Variants in MEAK7 observed in about 807,000 individuals in gnomAD.
MEAK7 encodes MTOR associated protein MEAK7, also known as MTOR-associated protein MEAK7.
MEAK7 carries 68 observed loss-of-function variants against 40.5 expected under a neutral mutation model. The observed-to-expected ratio is 1.68, with a 90% CI of 1.38 to 2.06. The LOEUF (loss-of-function observed/expected upper bound fraction) is 2.06. MEAK7 is among the 30% of genes most tolerant of loss of function. MEAK7 has a pLI of 0.00. For missense variants in MEAK7, 918 were observed against 580.5 expected (o/e 1.58, Z -5.98); for synonymous variants, 338 against 231.9 (o/e 1.46, Z -4.16).
intron 3 of MEAK7, among the ~76,000 whole-genome samples, chr16:84,491,626 C>G (rs1913620074): frequency 2.0e-5 from 3 of 150,634 alleles, no homozygotes; most frequent in Admixed American, 2.0e-4. Flanking sequence ...ATCACGAGGT[C>G]AGGAGATCAA....
At chr16:84,483,036 C>T (rs1289982300) in intron 5 of MEAK7, among the ~76,000 whole-genome samples, 2 of 152,210 alleles carry the variant, frequency 1.3e-5, no homozygotes, top group Non-Finnish European at 2.9e-5. Flanking sequence ...AGCAGGCTTC[C>T]TTTAGCTTAT....
At chr16:84,488,332 T>C (rs564498937) in intron 4 of MEAK7, 1 of 152,198 alleles carries the variant, frequency 6.6e-6, no homozygotes, top group South Asian at 2.1e-4. Flanking sequence ...AAATATAACC[T>C]ATTTTCAAGC....
At chr16:84,496,545 G>A (rs1397938872) in intron 2 of MEAK7, among the ~76,000 whole-genome samples, 1 of 152,118 alleles carries the variant, frequency 6.6e-6, no homozygotes, top group Non-Finnish European at 1.5e-5. Flanking sequence ...ACTGGCATAA[G>A]GACCAAGAAC....
In MEAK7 at chr16:84,497,784, T is replaced by C. The variant is rs369323235; in HGVS notation, c.153+150A>G. On this transcript the variant is annotated intron_variant, in intron 2 of 7. Coordinates refer to ENST00000343629, the MANE Select transcript of MEAK7 (RefSeq NM_020947.4). ...ACCGCATAGCTCACAAAGCCAAAAC[T>C]AGGTCACATCTGGCCCTTTACAGAA... is the stretch of plus-strand genomic sequence containing the variant. 68 of 1,319,646 alleles carry C rather than the reference T, an allele frequency of 5.2e-5. 1 individual carries two copies. In the African/African-American group the frequency reaches 8.9e-4, roughly 17 times the overall value. 81.7% of individuals were successfully genotyped at this position (1,319,646 alleles called of 1,614,324 possible).
At chr16:84,495,371 C>G (rs1176674074) in intron 3 of MEAK7, among the ~76,000 whole-genome samples, 1 of 152,220 alleles carries the variant, frequency 6.6e-6, no homozygotes. Flanking sequence ...CACACATTGA[C>G]TATTTCCCTA....
chr16:84,497,403 G>C (rs970829484), intron 2 of MEAK7: 25 of 1,270,078 alleles, frequency 2.0e-5, no homozygotes, highest in Admixed American at 1.8e-4. Context: ...GAAATTCCTA[G>C]CCATCAAACA....
chr16:84,486,944 G>C lies in MEAK7; in HGVS notation c.645C>G (p.Cys215Trp), dbSNP rs1173836186. The change falls in exon 5 of 8, where the codon TGC becomes TGG. Residue 215 changes from cysteine to tryptophan, a missense_variant. By Grantham distance (215) the Cys-to-Trp change is radical. Coordinates refer to ENST00000343629, the MANE Select transcript of MEAK7 (RefSeq NM_020947.4). ...HVAIFLSVVI[C>W]KGFLILCSSL... Reference sequence around the variant, plus strand: ...ACGAGCACAGGATGAGAAAGCCCTTGCAAATGACCACACTCAGGAATATGG... The same window carrying C: ...ACGAGCACAGGATGAGAAAGCCCTTCCAAATGACCACACTCAGGAATATGG... The C allele has an allele frequency of 6.2e-7, 1 of 1,614,174 alleles. No individual in the cohort carries two copies. The highest frequency in any genetic ancestry group is 1.7e-5 in the Admixed American group (1 of 60,026).
chr16:84,499,774 C>T (rs188554383), intron 1 of MEAK7: 3 of 152,322 alleles, frequency 2.0e-5, no homozygotes, highest in South Asian at 2.1e-4. Context: ...TGGTGGCTCA[C>T]ACCTGTCATC....
intron 1 of MEAK7, among the ~76,000 whole-genome samples, chr16:84,501,320 C>A (rs1175515955): frequency 6.6e-6 from 1 of 151,900 alleles, no homozygotes; most frequent in Non-Finnish European, 1.5e-5. Flanking sequence ...AAGGGTGGAA[C>A]TCAGGGCACG....
intron 1 of MEAK7, among the ~76,000 whole-genome samples, chr16:84,499,714 C>T (rs1164535773): frequency 3.3e-5 from 5 of 152,174 alleles, no homozygotes; most frequent in African/African-American, 1.2e-4. Context: ...TGTCCTGATG[C>T]ATTTCTGTAT....
chr16:84,495,142 G>C (rs1215917699), intron 3 of MEAK7, among the ~76,000 whole-genome samples: 1 of 152,140 alleles, frequency 6.6e-6, no homozygotes, highest in African/African-American at 2.4e-5. Context: ...GGTGGTGTGT[G>C]CCTGTAGCCC....
At chr16:84,494,771 G>A (rs1172015235) in intron 3 of MEAK7, 2 of 454,868 alleles carry the variant, frequency 4.4e-6, no homozygotes, top group Non-Finnish European at 8.8e-6. Context: ...GGACATGACA[G>A]ATCAGACAAA....
chr16:84,491,476 T>A (rs1389191682), intron 3 of MEAK7, among the ~76,000 whole-genome samples: 3 of 147,404 alleles, frequency 2.0e-5, no homozygotes, highest in African/African-American at 5.0e-5. Flanking sequence ...GAGGCAGAGG[T>A]TGTAGTGAGC....
At position 84,476,823 on chromosome 16, in the gene MEAK7, A is replaced by G. The variant is rs1302317565; in HGVS notation, c.*3090T>C. ...GTGCCTTTGCCTGTCAGGAGGGAAAATAGCTGGAGAAGAGGCAGGAAGATG... is the reference window on the plus strand; with the variant it reads ...GTGCCTTTGCCTGTCAGGAGGGAAAGTAGCTGGAGAAGAGGCAGGAAGATG... On this transcript the variant is annotated 3_prime_UTR_variant, in exon 8 of 8. Coordinates refer to ENST00000343629, the MANE Select transcript of MEAK7 (RefSeq NM_020947.4). 2 of 152,248 alleles carry G rather than the reference A, an allele frequency of 1.3e-5. No homozygotes were observed. Among genetic ancestry groups the G allele is most frequent in the Non-Finnish European group, 2.9e-5 (2 of 68,060 alleles). The allele number at this position is 152,248 out of a possible 1,614,324, so 9.4% of individuals were successfully genotyped here.
At position 84,504,022 on chromosome 16, in the gene MEAK7, C is replaced by G. The variant is rs79064660; in HGVS notation, c.-26+579G>C. 2,631 of 985,518 alleles carry G rather than the reference C, an allele frequency of 2.7e-3. 52 individuals carry two copies. In the African/African-American group the frequency reaches 0.042, roughly 16 times the overall value. The allele number at this position is 985,518 out of a possible 1,614,324, so 61.0% of individuals were successfully genotyped here. On this transcript the variant is annotated intron_variant, in intron 1 of 7. Coordinates refer to ENST00000343629, the MANE Select transcript of MEAK7 (RefSeq NM_020947.4). The stretch of plus-strand genomic sequence containing the variant: ...AGGCTTCGAAGTCCTGTCTGTGTCT[C>G]AGAGCCCAGAGGCCCTTGTGCGAAG...
intron 1 of MEAK7, 28 bp downstream of exon 1, chr16:84,504,573 C>T (rs1914747039): frequency 3.0e-6 from 3 of 985,268 alleles, no homozygotes; most frequent in Non-Finnish European, 3.6e-6. Flanking sequence ...TGGGTCAGCT[C>T]ACTGCGAACC....
At position 84,482,678 on chromosome 16, in the gene MEAK7, G is replaced by A; in HGVS notation, c.991C>T (p.Pro331Ser). 3.7e-6 allele frequency: 6 copies of A among 1,614,220 alleles called. No homozygotes were observed. Among genetic ancestry groups the A allele is most frequent in the Non-Finnish European group, 5.1e-6 (6 of 1,180,034 alleles). The change falls in exon 6 of 8, where the codon CCC becomes TCC. Residue 331 changes from proline to serine, a missense_variant. Transcript: ENST00000343629. Reference protein sequence around the residue: ...DNRCFLFSICPSMAVYTHTGY... With the variant: ...DNRCFLFSICSSMAVYTHTGY... ...GTGTGTGTGTACACAGCCATGCTGG[G>A]GCAGATGGAGAACAGGAAGCATCTG...
chr16:84,483,403 C>T (rs919487073), intron 5 of MEAK7, among the ~76,000 whole-genome samples: 2 of 152,268 alleles, frequency 1.3e-5, no homozygotes, highest in Non-Finnish European at 2.9e-5. Flanking sequence ...GGACACTTCC[C>T]ACCATGTTCT....
intron 3 of MEAK7, among the ~76,000 whole-genome samples, chr16:84,490,755 G>A (rs71386845): frequency 6.8e-6 from 1 of 146,482 alleles, no homozygotes; most frequent in African/African-American, 2.5e-5. Context: ...GAAAAAAGAA[G>A]ATTTATTTCC....
Sources: gnomAD v4.1 joint callset for allele counts (sites outside exome capture counted in the v4.1 genomes callset) on GRCh38, gnomAD v4.1.1 for gene constraint, MANE v1.5 for transcripts, NCBI Gene and HGNC (gene_info 2026-07-23, HGNC 2026-07-21) for gene names.